The following LRRC37A2 variants were observed in gnomAD, a reference collection of about 807,000 sequenced individuals.
LRRC37A2 encodes the protein leucine rich repeat containing 37 member A2.
Under a neutral mutation model 68.8 loss-of-function variants are expected in LRRC37A2, and 9 were observed. The ratio of observed to expected loss-of-function variants is 0.13; its 90% CI spans 0.08 to 0.23. The LOEUF is 0.23. LRRC37A2 is among the 10% of genes least tolerant of loss of function. LRRC37A2 has a pLI of 1.00. For synonymous variants in LRRC37A2, 63 were observed against 367.6 expected (o/e 0.17, Z 9.48); for missense variants, 168 against 950.4 (o/e 0.18, Z 10.82).
the LRRC37A2 span, among the ~76,000 whole-genome samples, chr17:46,496,319 T>G: frequency 2.1e-5 from 3 of 146,144 alleles, no homozygotes; most frequent in East Asian, 6.1e-4. Flanking sequence ...AAAACCATTA[T>G]TTGGCCAGAC....
chr17:46,785,095 T>TA, the LRRC37A2 span, among the ~76,000 whole-genome samples: 1 of 152,144 alleles, frequency 6.6e-6, no homozygotes, highest in Non-Finnish European at 1.5e-5. Context: ...TTGCTTTTCT[T>TA]ATGATGCATC....
the LRRC37A2 span, among the ~76,000 whole-genome samples, chr17:46,943,136 C>G: frequency 3.9e-5 from 6 of 152,180 alleles, no homozygotes; most frequent in Admixed American, 3.9e-4. Context: ...AGAACATCAA[C>G]CCAAGGCTAG....
the LRRC37A2 span, among the ~76,000 whole-genome samples, chr17:46,781,913 G>A: frequency 6.6e-6 from 1 of 152,202 alleles, no homozygotes; most frequent in Non-Finnish European, 1.5e-5. Context: ...TGCCCAGGAG[G>A]TGGGAGGAGA....
the LRRC37A2 span, among the ~76,000 whole-genome samples, chr17:46,726,354 G>GC: frequency 6.6e-6 from 1 of 152,224 alleles, no homozygotes; most frequent in Non-Finnish European, 1.5e-5. Flanking sequence ...ACACACAGCT[G>GC]TTAGTGCTGA....
chr17:47,000,454 C>A, the LRRC37A2 span, among the ~76,000 whole-genome samples: 1 of 151,644 alleles, frequency 6.6e-6, no homozygotes, highest in Admixed American at 6.6e-5. Flanking sequence ...AGGCTGGTCT[C>A]GAACTCCTGA....
chr17:46,775,407 A>AG, the LRRC37A2 span, among the ~76,000 whole-genome samples: 1 of 152,142 alleles, frequency 6.6e-6, no homozygotes, highest in Non-Finnish European at 1.5e-5. Flanking sequence ...GGCACCGTGC[A>AG]GGGGCATGCT....
chr17:46,774,843 T>G, the LRRC37A2 span, among the ~76,000 whole-genome samples: 1 of 152,246 alleles, frequency 6.6e-6, no homozygotes, highest in African/African-American at 2.4e-5. Context: ...TGACATTTTC[T>G]GGGAGAACCT....
At chr17:47,040,289 A>G in the LRRC37A2 span, among the ~76,000 whole-genome samples, 1 of 150,062 alleles carries the variant, frequency 6.7e-6, no homozygotes, top group African/African-American at 2.4e-5. Context: ...AAAAATAAAA[A>G]AATCTTTGTC....
chr17:47,046,049 G>A, the LRRC37A2 span, among the ~76,000 whole-genome samples: 1 of 68,554 alleles, frequency 1.5e-5, no homozygotes, highest in Non-Finnish European at 3.0e-5. Context: ...TTATTTTGCT[G>A]GGTACAGTGG....
At chr17:46,996,342 C>T in the LRRC37A2 span, among the ~76,000 whole-genome samples, 1 of 152,222 alleles carries the variant, frequency 6.6e-6, no homozygotes, top group Non-Finnish European at 1.5e-5. Context: ...CTTACAAGTA[C>T]AGGCTTTAGA....
chr17:46,802,268 CTTTTA>C, the LRRC37A2 span, among the ~76,000 whole-genome samples: 3 of 151,924 alleles, frequency 2.0e-5, no homozygotes, highest in African/African-American at 7.3e-5. Context: ...ACTTTCTTTT[CTTTTA>C]TTTATTTATT....
At chr17:46,925,957 A>G in the LRRC37A2 span, among the ~76,000 whole-genome samples, 220 of 152,308 alleles carry the variant, frequency 1.4e-3, 1 homozygote, top group African/African-American at 4.7e-3. Context: ...TGAGATCCCA[A>G]TGGTTGTAAA....
At chr17:46,781,098 C>T in the LRRC37A2 span, among the ~76,000 whole-genome samples, 5 of 151,518 alleles carry the variant, frequency 3.3e-5, no homozygotes, top group South Asian at 2.1e-4. Context: ...CCTGGTGGTG[C>T]GTGCCTGTAG....
chr17:46,858,788 T>C, the LRRC37A2 span, among the ~76,000 whole-genome samples: 2 of 152,108 alleles, frequency 1.3e-5, no homozygotes, highest in Non-Finnish European at 2.9e-5. Context: ...TGCCTTAGCC[T>C]CCTGAGTAGC....
chr17:46,782,572 A>G, the LRRC37A2 span, among the ~76,000 whole-genome samples: 22 of 152,362 alleles, frequency 1.4e-4, no homozygotes, highest in African/African-American at 5.1e-4. Flanking sequence ...TCAGGCCTCT[A>G]CCTTTCCACT....
the LRRC37A2 span, among the ~76,000 whole-genome samples, chr17:46,599,979 G>T: frequency 2.5e-5 from 2 of 81,390 alleles, no homozygotes; most frequent in South Asian, 4.4e-4. Flanking sequence ...TTTTTTAGAG[G>T]CTGAGTCTCA....
the LRRC37A2 span, among the ~76,000 whole-genome samples, chr17:46,942,612 C>T: frequency 9.2e-5 from 14 of 152,204 alleles, no homozygotes; most frequent in African/African-American, 3.1e-4. Flanking sequence ...GCAGACCCTT[C>T]AGATAGTATA....
At chr17:47,030,369 CAT>C in the LRRC37A2 span, among the ~76,000 whole-genome samples, 2 of 143,188 alleles carry the variant, frequency 1.4e-5, no homozygotes, top group Middle Eastern at 3.4e-3. Context: ...GATGGGAAAA[CAT>C]ATGAGAGCCA....
the LRRC37A2 span, among the ~76,000 whole-genome samples, chr17:46,494,311 A>G: frequency 6.7e-6 from 1 of 148,290 alleles, no homozygotes; most frequent in South Asian, 2.1e-4. Context: ...AAGTCTGATT[A>G]ACCACATTTT....
Sources: gnomAD v4.1 joint callset for allele counts (sites outside exome capture counted in the v4.1 genomes callset) on GRCh38, gnomAD v4.1.1 for gene constraint, MANE v1.5 for transcripts, NCBI Gene and HGNC (gene_info 2026-07-23, HGNC 2026-07-21) for gene names.